CAMTA2: variants seen among roughly 807,000 people sequenced by gnomAD.
CAMTA2 encodes calmodulin binding transcription activator 2, also known as calmodulin-binding transcription activator 2.
Under a neutral mutation model 135.7 loss-of-function variants are expected in CAMTA2, and 56 were observed. The ratio of observed to expected loss-of-function variants is 0.41; its 90% CI spans 0.33 to 0.52. CAMTA2 has a LOEUF of 0.52. Among genes scored for constraint, CAMTA2 ranks in the 20% least tolerant of loss-of-function variants. CAMTA2 has a pLI of 0.16. For synonymous variants in CAMTA2, 591 were observed against 604.6 expected (o/e 0.98, Z 0.33); for missense variants, 1,358 against 1,553.4 (o/e 0.87, Z 2.11).
rs1195972645 is a variant in CAMTA2, at chr17:4,972,971, T to C, written c.2301A>G (p.Gly767=). ...AAAGGAGCACAGCAGCTTCCAGGTG[T>C]CCCAGGGCACAAGCCCACATCTGAG... The part of the protein sequence containing the change: ...CTPLMWACAL[G]HLEAAVLLFR... The change falls in exon 15 of 23, where the codon GGA becomes GGG. Residue 767 remains glycine, a synonymous_variant. Coordinates refer to ENST00000348066, the MANE Select transcript of CAMTA2 (RefSeq NM_015099.4). The C allele has an allele frequency of 6.2e-7, 1 of 1,612,812 alleles. No homozygotes were observed. The highest frequency in any genetic ancestry group is 2.2e-5 in the East Asian group (1 of 44,884).
At chr17:4,981,030 C>G (rs1181902081) in intron 8 of CAMTA2, among the ~76,000 whole-genome samples, 195 bp downstream of exon 8, 1 of 152,302 alleles carries the variant, frequency 6.6e-6, no homozygotes, top group South Asian at 2.1e-4. Context: ...GCTGCCATGA[C>G]AGCTGAGTGC....
Position 4,985,260 on chromosome 17 carries a change from A to G in CAMTA2, c.135+620T>C, listed in dbSNP as rs145440758. Reference sequence around the variant, plus strand: ...TTTCCTCATCAATAACATAGGAGCAATAACAGGGCTTGCTCTATAGAACCG... The same window carrying G: ...TTTCCTCATCAATAACATAGGAGCAGTAACAGGGCTTGCTCTATAGAACCG... On this transcript the variant is annotated intron_variant, in intron 3 of 22. Transcript: ENST00000348066. Among the ~76,000 whole-genome samples, 395 of 152,382 alleles carry G rather than the reference A, an allele frequency of 2.6e-3. 3 individuals are homozygous for G. The highest frequency in any genetic ancestry group is 9.3e-3 in the African/African-American group (387 of 41,590).
In CAMTA2 at chr17:4,986,235, AG is replaced by A. The variant is rs1461585611; in HGVS notation, c.-14del. On this transcript the variant is annotated 5_prime_UTR_variant, in exon 2 of 23. Coordinates refer to ENST00000348066, the MANE Select transcript of CAMTA2 (RefSeq NM_015099.4). ...CCTTGGTATTCATGGTGAGGGCTCC[AG>A]GGGGCAAGGTCACCCCCGGCCTGAG... The A allele has an allele frequency of 1.2e-6, 2 of 1,604,830 alleles. No homozygotes were observed. The highest frequency in any genetic ancestry group is 1.7e-6 in the Non-Finnish European group (2 of 1,173,288).
At chr17:4,984,014 C>A (rs549195496) in intron 3 of CAMTA2, among the ~76,000 whole-genome samples, 1 of 152,156 alleles carries the variant, frequency 6.6e-6, no homozygotes, top group South Asian at 2.1e-4. Context: ...GCAGTGGCGC[C>A]ATCTCGGCTC....
Position 4,981,205 on chromosome 17 carries a change from A to T in CAMTA2, c.700+20T>A, listed in dbSNP as rs1367439169. ...TGTGGCTAGGTGGGAAGACAGCCAAAAGGTCAGGGAGTAACTTACCAAGCC... is the reference window on the plus strand; with the variant it reads ...TGTGGCTAGGTGGGAAGACAGCCAATAGGTCAGGGAGTAACTTACCAAGCC... On this transcript the variant is annotated intron_variant, in intron 8 of 22. Transcript: ENST00000348066. 6.2e-7 allele frequency: 1 copy of T among 1,611,454 alleles called. No individual in the cohort carries two copies. The highest frequency in any genetic ancestry group is 1.3e-5 in the African/African-American group (1 of 74,832).
At position 4,979,990 on chromosome 17, in the gene CAMTA2, G is replaced by A. The variant is rs766535502; in HGVS notation, c.1332C>T (p.Ile444=). 1 of 1,613,608 alleles carries A rather than the reference G, an allele frequency of 6.2e-7. No individual in the cohort carries two copies. The highest frequency in any genetic ancestry group is 8.5e-7 in the Non-Finnish European group (1 of 1,179,972). ...AGGRRGNCFF[I]QDDDSGEELK... ...GCTCCTCCCCACTGTCATCATCTTG[G>A]ATGAAGAAGCAGTTTCCTCTTCTCC... The change falls in exon 9 of 23, where the codon ATC becomes ATT. Residue 444 remains isoleucine, a synonymous_variant. Transcript: ENST00000348066.
chr17:4,985,118 G>A (rs1467690463), intron 3 of CAMTA2, among the ~76,000 whole-genome samples: 3 of 151,242 alleles, frequency 2.0e-5, no homozygotes, highest in Admixed American at 6.6e-5. Context: ...TCCAGGAGGC[G>A]GGGGTTGCAG....
intron 9 of CAMTA2, among the ~76,000 whole-genome samples, chr17:4,979,174 T>C (rs961757312): frequency 3.3e-5 from 5 of 152,036 alleles, no homozygotes; most frequent in African/African-American, 1.2e-4. Context: ...GTTAAGTTGC[T>C]GAGGACTCTG....
In CAMTA2 at chr17:4,973,705, C is replaced by A. The variant is rs1567687809; in HGVS notation, c.2081G>T (p.Arg694Leu). ...ACGTTCAGGACCCTTCCAGGTGGAG[C>A]GTGGGATCATGCTTTCTACCAAGAC... The part of the protein sequence containing the change: ...VVVLVESMIP[R>L]STWKGPERLA... The change falls in exon 13 of 23, where the codon CGC becomes CTC. Residue 694 changes from arginine (R) to leucine (L), a missense_variant. Arg to Leu is a moderately radical substitution (Grantham distance 102). Around this residue, in one of 4 missense-constraint regions of CAMTA2, gnomAD observed 1,077 missense variants for 1,127.5 expected, o/e 0.96. Coordinates refer to ENST00000348066, the MANE Select transcript of CAMTA2 (RefSeq NM_015099.4). The A allele has an allele frequency of 5.0e-6, 8 of 1,614,166 alleles. No homozygotes were observed. Among genetic ancestry groups the A allele is most frequent in the African/African-American group, 1.3e-5 (1 of 75,064 alleles).
intron 3 of CAMTA2, among the ~76,000 whole-genome samples, chr17:4,985,117 C>CT (rs1288540410): frequency 7.3e-5 from 11 of 151,706 alleles, no homozygotes; most frequent in Non-Finnish European, 1.5e-4. Context: ...ATCCAGGAGG[C>CT]GGGGGTTGCA....
Position 4,972,128 on chromosome 17 carries a change from C to T in CAMTA2, c.2808+104G>A. 3 of 950,184 alleles carry T rather than the reference C, an allele frequency of 3.2e-6. No homozygotes were observed. The South Asian group carries it at 4.6e-5, about 15-fold the overall frequency. The allele number at this position is 950,184 out of a possible 1,614,324, so 58.9% of individuals were successfully genotyped here. ...CCTGTCCCAAAATGAAGTAAATAGGCCCTTCCTAAACTGAAGCCAGACTTT... is the reference window on the plus strand; with the variant it reads ...CCTGTCCCAAAATGAAGTAAATAGGTCCTTCCTAAACTGAAGCCAGACTTT... On this transcript the variant is annotated intron_variant, in intron 16 of 22. Transcript: ENST00000348066.
In CAMTA2 at chr17:4,983,489, T is replaced by G. The variant is rs1973086982; in HGVS notation, c.136-446A>C. ...TAGTAGAGACAGGATTTCACCATGT[T>G]GGTAAGGCTGGTCTCGAACTCCTGA... On this transcript the variant is annotated intron_variant, in intron 3 of 22. Transcript: ENST00000348066. Among the ~76,000 whole-genome samples the G allele has an allele frequency of 2.6e-5, 4 of 152,208 alleles. No individual in the cohort carries two copies. The South Asian group carries it at 8.3e-4, about 32-fold the overall frequency.
In CAMTA2 at chr17:4,972,934, G is replaced by C. The variant is rs749953550; in HGVS notation, c.2338C>G (p.Arg780Gly). ...GAGTCGGGAATGCTCAGTGCCTGTC[G>C]GTTCCAACGGAAAAGGAGCACAGCA... ...EAAVLLFRWN[R>G]QALSIPDSLG... Residue 780 changes from arginine to glycine, a missense_variant, in exon 15 of 23, where the codon CGA becomes GGA. Physicochemically the swap from Arg to Gly is moderately radical, Grantham distance 125 (BLOSUM62 -2). This residue lies in a region of CAMTA2 where 1,077 missense variants were observed against 1,127.5 expected (regional missense o/e 0.96). Transcript: ENST00000348066. 6 of 1,613,632 alleles carry C rather than the reference G, an allele frequency of 3.7e-6. No individual in the cohort carries two copies. The highest frequency in any genetic ancestry group is 1.7e-6 in the Non-Finnish European group (2 of 1,179,998).
At chr17:4,982,726 G>A in intron 5 of CAMTA2, 31 bp downstream of exon 5, 1 of 1,612,950 alleles carries the variant, frequency 6.2e-7, no homozygotes, top group Non-Finnish European at 8.5e-7. Context: ...GGCAGGCTCG[G>A]GAAGATGAGC....
At position 4,982,896 on chromosome 17, in the gene CAMTA2, G is replaced by A. The variant is rs1442933277; in HGVS notation, c.204-4C>T. ...GATGATGGAGCCATTCTGAGGCCTG[G>A]GAAGGGAAGGGTTGCCCTGGAGTTC... On this transcript the variant is annotated splice_region_variant and splice_polypyrimidine_tract_variant and intron_variant, in intron 4 of 22. Coordinates refer to ENST00000348066, the MANE Select transcript of CAMTA2 (RefSeq NM_015099.4). 1 of 1,614,142 alleles carries A rather than the reference G, an allele frequency of 6.2e-7. No individual in the cohort carries two copies. Among genetic ancestry groups the A allele is most frequent in the Admixed American group, 1.7e-5 (1 of 60,026 alleles).
In CAMTA2 at chr17:4,974,737, TTTCC is replaced by T; in HGVS notation, c.1901-241_1901-238del. The T allele has an allele frequency of 8.8e-6, 4 of 456,280 alleles. No homozygotes were observed. The South Asian group carries it at 9.0e-5, about 10-fold the overall frequency. 28.3% of individuals were successfully genotyped at this position (456,280 alleles called of 1,614,324 possible). On this transcript the variant is annotated intron_variant, in intron 11 of 22. Coordinates refer to ENST00000348066, the MANE Select transcript of CAMTA2 (RefSeq NM_015099.4). ...GAACCCAGATCTGGAACCAAAACTG[TTTCC>T]TTCAAGGTACAGAGGTAGTAGGATT...
intron 3 of CAMTA2, among the ~76,000 whole-genome samples, chr17:4,984,722 T>C (rs117472904): frequency 0.019 from 2,854 of 152,156 alleles, 45 homozygotes; most frequent in Non-Finnish European, 0.03. Context: ...TCAGTGGTGG[T>C]TAATAACAAA....
At position 4,980,781 on chromosome 17, in the gene CAMTA2, C is replaced by T. The variant is rs1481268477; in HGVS notation, c.701-160G>A. Among the ~76,000 whole-genome samples the T allele has an allele frequency of 6.6e-6, 1 of 152,110 alleles. No individual in the cohort carries two copies. Among genetic ancestry groups the T allele is most frequent in the Admixed American group, 6.5e-5 (1 of 15,284 alleles). On this transcript the variant is annotated intron_variant, in intron 8 of 22. Coordinates refer to ENST00000348066, the MANE Select transcript of CAMTA2 (RefSeq NM_015099.4). The surrounding 1 kb of genome is among the most constrained non-coding windows in gnomAD (Gnocchi z 5.3). ...AGGCATCAGAAATGTCTGTTCTCTACCCCTACCCTTTATTCCCCCTCCCCC... is the reference window on the plus strand; with the variant it reads ...AGGCATCAGAAATGTCTGTTCTCTATCCCTACCCTTTATTCCCCCTCCCCC...
Position 4,977,051 on chromosome 17 carries a change from T to C in CAMTA2, c.1900+7A>G, listed in dbSNP as rs775857327. 6.2e-7 allele frequency: 1 copy of C among 1,613,972 alleles called. No individual in the cohort carries two copies. Among genetic ancestry groups the C allele is most frequent in the Middle Eastern group, 1.7e-4 (1 of 6,058 alleles). ...GGATACTTGGGTTCAGAGGGCTGGG[T>C]ACTCACCGTCCAGTGACAGCCAGTC... On this transcript the variant is annotated splice_region_variant and intron_variant, in intron 11 of 22. Transcript: ENST00000348066.
Sources: gnomAD v4.1 joint callset for allele counts (sites outside exome capture counted in the v4.1 genomes callset) on GRCh38, gnomAD v4.1.1 for gene constraint, gnomAD v4.1.1 regional missense constraint, Gnocchi (gnomAD v3.1) non-coding constraint, MANE v1.5 for transcripts, NCBI Gene and HGNC (gene_info 2026-07-23, HGNC 2026-07-21) for gene names.